Variants in FRMPD4 observed in about 807,000 individuals in gnomAD.
The protein encoded by FRMPD4 is FERM and PDZ domain containing 4, also known as FERM and PDZ domain-containing protein 4.
In FRMPD4, 22 loss-of-function variants were observed where a neutral mutation model predicts 94.1. That is an observed-to-expected ratio of 0.23 (90% CI 0.17 to 0.33). The LOEUF (loss-of-function observed/expected upper bound fraction) is 0.33. Among genes scored for constraint, FRMPD4 ranks in the 10% least tolerant of loss-of-function variants. The pLI, the probability that FRMPD4 is intolerant of heterozygous loss-of-function variation, is 1.00. For missense variants in FRMPD4, 1,111 were observed against 1,339.9 expected, an observed-to-expected ratio of 0.83 and a Z score of 2.67; for synonymous variants, 631 against 548.6, an observed-to-expected ratio of 1.15 and a Z score of -2.10.
intron 1 of FRMPD4, among the ~76,000 whole-genome samples, chrX:12,478,599 G>A (rs1293054670): frequency 3.6e-5 from 4 of 111,211 alleles, no homozygotes; most frequent in Admixed American, 9.6e-5. Context: ...AAAGAAACCC[G>A]AGTAAAGTAT....
At chrX:11,982,423 A>G (rs931828438) in intron 3 of FRMPD4, among the ~76,000 whole-genome samples, 2 of 110,938 alleles carry the variant, frequency 1.8e-5, no homozygotes, top group Non-Finnish European at 3.8e-5. Context: ...GGAATTCATT[A>G]AAACTCCTAC....
chrX:12,074,364 C>T (rs1326202161), intron 3 of FRMPD4, among the ~76,000 whole-genome samples: 1 of 111,186 alleles, frequency 9.0e-6, no homozygotes, highest in East Asian at 2.8e-4. Flanking sequence ...CCTTGTGTTG[C>T]TCCTTCCGTT....
At chrX:12,204,149 C>G (rs1414294756) in intron 1 of FRMPD4, among the ~76,000 whole-genome samples, 1 of 112,258 alleles carries the variant, frequency 8.9e-6, no homozygotes, top group Non-Finnish European at 1.9e-5. Flanking sequence ...TGGAGACATA[C>G]TTGGTTGTCA....
chrX:11,889,555 A>G (rs936072958), intron 3 of FRMPD4, among the ~76,000 whole-genome samples: 10 of 112,469 alleles, frequency 8.9e-5, no homozygotes, highest in Middle Eastern at 9.2e-3. Context: ...AAAAATTTCT[A>G]TTATCTCCTA....
chrX:12,025,379 G>C (rs1033195488), intron 3 of FRMPD4, among the ~76,000 whole-genome samples: 1 of 109,208 alleles, frequency 9.2e-6, no homozygotes, highest in Non-Finnish European at 1.9e-5. Context: ...GCCATTCAAG[G>C]TCAAACTTAG....
intron 1 of FRMPD4, among the ~76,000 whole-genome samples, chrX:12,436,491 T>C (rs1006703292): frequency 1.8e-5 from 2 of 111,529 alleles, no homozygotes; most frequent in Admixed American, 9.6e-5. Context: ...TTTCTTCTTC[T>C]TGCTTCATTT....
chrX:12,221,284 A>C lies in FRMPD4; in HGVS notation c.41+82272A>C, dbSNP rs762696926. On this transcript the variant is annotated intron_variant, in intron 1 of 16. Transcript: ENST00000675598. ...CTCAATTCAGTGATTAAACAACAACAACCACCACCACTACCACCCTTGTTA... is the reference window on the plus strand; with the variant it reads ...CTCAATTCAGTGATTAAACAACAACCACCACCACCACTACCACCCTTGTTA... 1.1e-4 allele frequency among the ~76,000 whole-genome samples: 12 copies of C among 112,406 alleles called. No individual in the cohort carries two copies. In the East Asian group the frequency reaches 1.1e-3, roughly 10 times the overall value.
rs145320130 is a variant in FRMPD4, at chrX:12,062,222, T to G, written c.95+184204T>G. Among the ~76,000 whole-genome samples the G allele has an allele frequency of 5.4e-5, 6 of 111,971 alleles. No individual in the cohort carries two copies. The East Asian group carries it at 1.7e-3, about 31-fold the overall frequency. ...TTACTGGAAACATTCTGGGAAACAT[T>G]TCACTAGACAATGTATTGCGGTTAT... On this transcript the variant is annotated intron_variant, in intron 3 of 18. Transcript: ENST00000640291.
At chrX:12,072,509 C>A (rs747777040) in intron 3 of FRMPD4, among the ~76,000 whole-genome samples, 2 of 111,492 alleles carry the variant, frequency 1.8e-5, no homozygotes, top group South Asian at 7.5e-4. Flanking sequence ...TAATCATGCC[C>A]GGTTGTGTGC....
chrX:12,529,563 C>G (rs1311656622), intron 2 of FRMPD4, among the ~76,000 whole-genome samples: 1 of 111,929 alleles, frequency 8.9e-6, no homozygotes, highest in Non-Finnish European at 1.9e-5. Context: ...ATCCATTATC[C>G]AACATGTTAG....
intron 1 of FRMPD4, among the ~76,000 whole-genome samples, chrX:12,313,498 A>G (rs1232724186): frequency 1.8e-5 from 2 of 112,700 alleles, no homozygotes; most frequent in Non-Finnish European, 3.7e-5. Flanking sequence ...AAGCTGGTGG[A>G]ACAATCAACT....
At chrX:11,890,201 G>C in intron 3 of FRMPD4, among the ~76,000 whole-genome samples, 1 of 112,641 alleles carries the variant, frequency 8.9e-6, no homozygotes, top group Non-Finnish European at 1.9e-5. Flanking sequence ...TCAAAGTTTA[G>C]AGAAGTGAAA....
chrX:11,888,297 T>G (rs2147319251), intron 3 of FRMPD4, among the ~76,000 whole-genome samples: 1 of 112,172 alleles, frequency 8.9e-6, no homozygotes, highest in African/African-American at 3.2e-5. Context: ...TGTTGTCATT[T>G]TTTTGGTTTT....
intron 1 of FRMPD4, among the ~76,000 whole-genome samples, chrX:12,341,364 A>G (rs1601837567): frequency 9.0e-6 from 1 of 111,372 alleles, no homozygotes; most frequent in African/African-American, 3.3e-5. Context: ...CTTCATGGGT[A>G]AGTTACTGAT....
At chrX:12,056,742 G>C (rs186151190) in intron 3 of FRMPD4, among the ~76,000 whole-genome samples, 4 of 111,959 alleles carry the variant, frequency 3.6e-5, no homozygotes, top group Non-Finnish European at 7.5e-5. Context: ...GTCCACATCA[G>C]TACATGCTGG....
At chrX:12,124,933 C>A (rs2055486733) in intron 3 of FRMPD4, among the ~76,000 whole-genome samples, 1 of 112,063 alleles carries the variant, frequency 8.9e-6, no homozygotes, top group South Asian at 3.7e-4. Flanking sequence ...GCCAAGCCCA[C>A]TGCTCATTTA....
intron 2 of FRMPD4, among the ~76,000 whole-genome samples, chrX:12,591,921 C>T (rs1373674732): frequency 1.8e-5 from 2 of 111,530 alleles, no homozygotes; most frequent in Non-Finnish European, 3.8e-5. Context: ...CAAGGTCTCT[C>T]TGACTTTATC....
chrX:12,238,508 T>G (rs1238306945), intron 1 of FRMPD4, among the ~76,000 whole-genome samples: 7 of 112,339 alleles, frequency 6.2e-5, no homozygotes, highest in African/African-American at 2.3e-4. Flanking sequence ...AAATGTGATC[T>G]ATAATCTTCT....
intron 1 of FRMPD4, among the ~76,000 whole-genome samples, chrX:12,142,707 T>C (rs775822681): frequency 8.9e-6 from 1 of 112,073 alleles, no homozygotes; most frequent in East Asian, 2.8e-4. Context: ...GAGTTGCTAG[T>C]TTGAAGCTGT....
Sources: allele counts gnomAD v4.1 joint callset (sites outside exome capture counted in the v4.1 genomes callset), GRCh38; gene constraint gnomAD v4.1.1; transcripts MANE v1.5; gene names NCBI Gene and HGNC (gene_info 2026-07-23, HGNC 2026-07-21).